The following FHAD1 variants were observed in gnomAD, a reference collection of about 807,000 sequenced individuals.
FHAD1 encodes forkhead-associated domain-containing protein 1.
A neutral mutation model predicts 191.3 loss-of-function variants in FHAD1; 146 were observed. The ratio of observed to expected loss-of-function variants is 0.76; its 90% confidence interval spans 0.67 to 0.88. The LOEUF (loss-of-function observed/expected upper bound fraction) is 0.88. FHAD1 is among the 40% of genes least tolerant of loss of function. The pLI is 0.00. For synonymous variants in FHAD1, 616 were observed against 672.3 expected, an observed-to-expected ratio of 0.92 and a Z score of 1.29; for missense variants, 1,635 against 1,785.8, an observed-to-expected ratio of 0.92 and a Z score of 1.52.
At position 15,276,059 on chromosome 1, in the gene FHAD1, C is replaced by T. The variant is rs1000304989; in HGVS notation, c.300+3530C>T. Reference sequence around the variant, plus strand: ...TGTTTGTAGACATCACAGTGGCTAGCGTGGGTGTCCTGAAGTTCAAGTGAG... The same window carrying T: ...TGTTTGTAGACATCACAGTGGCTAGTGTGGGTGTCCTGAAGTTCAAGTGAG... On this transcript the variant is annotated intron_variant, in intron 3 of 33. Coordinates refer to ENST00000688493, the MANE Select transcript of FHAD1 (RefSeq NM_001391957.1). The surrounding 1 kb of genome is among the most constrained non-coding windows in gnomAD (Gnocchi z 4.7). 4.6e-5 allele frequency among the ~76,000 whole-genome samples: 7 copies of T among 152,156 alleles called. No homozygotes were observed. Among genetic ancestry groups the T allele is most frequent in the African/African-American group, 1.7e-4 (7 of 41,432 alleles).
intron 32 of FHAD1, chr1:15,388,350 T>G: frequency 2.1e-6 from 2 of 965,542 alleles, no homozygotes; most frequent in Non-Finnish European, 2.7e-6. Flanking sequence ...CCCCAGGCCC[T>G]GCCCCACCTG....
intron 8 of FHAD1, chr1:15,315,315 A>C (rs927551773): frequency 2.0e-5 from 3 of 152,056 alleles, no homozygotes; most frequent in African/African-American, 7.2e-5. Context: ...TATATCTGTA[A>C]CAGATATATA....
Position 15,345,440 on chromosome 1 carries a change from G to A in FHAD1, c.2263G>A (p.Glu755Lys), listed in dbSNP as rs1243075014. 6.4e-6 allele frequency: 10 copies of A among 1,552,222 alleles called. No homozygotes were observed. The Admixed American group carries it at 1.2e-4, about 18-fold the overall frequency. Residue 755 changes from glutamate to lysine, a missense_variant, in exon 18 of 34, where the codon GAG becomes AAG. By Grantham distance (56) the Glu-to-Lys change is moderately conservative. Transcript: ENST00000688493. ...KKALAKSITQ[E>K]KNRVKEALEE... ...GGCTTTGGCGAAAAGCATTACCCAG[G>A]AGAAGAACAGAGTGAAGGAAGCATT...
At chr1:15,272,793 A>G (rs1404704702) in intron 3 of FHAD1, among the ~76,000 whole-genome samples, 1 of 152,216 alleles carries the variant, frequency 6.6e-6, no homozygotes, top group Admixed American at 6.5e-5. Context: ...AAAATGTGCA[A>G]CTTCCTGAGA....
intron 14 of FHAD1, among the ~76,000 whole-genome samples, chr1:15,331,713 A>T (rs2101905429): frequency 6.6e-6 from 1 of 151,750 alleles, no homozygotes; most frequent in East Asian, 1.9e-4. Flanking sequence ...GCAGGAAGGA[A>T]GGCAGGAGGG....
At chr1:15,375,461 G>T in intron 27 of FHAD1, 142 bp from the exon 28 acceptor site, 1 of 758,436 alleles carries the variant, frequency 1.3e-6, no homozygotes, top group Non-Finnish European at 2.0e-6. Flanking sequence ...AATCTCTCTA[G>T]GACTGTGTCC....
rs1702607681 is a variant in FHAD1 at position 15,388,037 on chromosome 1, T to A, written c.4189-14T>A. ...GGTTAGCACTCTCTTGCTAACCTGA[T>A]ACTTTTCACTCAGGAAAGTGTAGAG... On this transcript the variant is annotated splice_polypyrimidine_tract_variant and intron_variant, in intron 31 of 33. Coordinates refer to ENST00000688493, the MANE Select transcript of FHAD1 (RefSeq NM_001391957.1). 7.8e-7 allele frequency: 1 copy of A among 1,284,024 alleles called. No individual in the cohort carries two copies. The highest frequency in any genetic ancestry group is 1.0e-6 in the Non-Finnish European group (1 of 983,652). 79.5% of individuals were successfully genotyped at this position (1,284,024 alleles called of 1,614,324 possible).
chr1:15,269,253 T>G (rs1000191855), intron 2 of FHAD1, among the ~76,000 whole-genome samples: 1 of 152,132 alleles, frequency 6.6e-6, no homozygotes, highest in Non-Finnish European at 1.5e-5. Flanking sequence ...GTAGAAACTT[T>G]GATTATTGAT....
chr1:15,370,521 G>C (rs1183503727), intron 26 of FHAD1, among the ~76,000 whole-genome samples: 1 of 152,116 alleles, frequency 6.6e-6, no homozygotes, highest in Non-Finnish European at 1.5e-5. Context: ...TAATGTACTT[G>C]TTCTTCCTGA....
chr1:15,351,156 C>T, intron 19 of FHAD1, among the ~76,000 whole-genome samples: 1 of 152,122 alleles, frequency 6.6e-6, no homozygotes, highest in East Asian at 1.9e-4. Context: ...ACCAGCCTGG[C>T]CAACATGGTG....
chr1:15,360,457 G>A lies in FHAD1; in HGVS notation c.2737-21G>A, dbSNP rs966936895. 1.8e-5 allele frequency: 28 copies of A among 1,547,300 alleles called. No homozygotes were observed. In the African/African-American group the frequency reaches 3.6e-4, roughly 20 times the overall value. The stretch of plus-strand genomic sequence containing the variant: ...CATACACAGCTCCCAAGACCTCACT[G>A]AGTGACTCTCTGTTTCCCAGATCAT... On this transcript the variant is annotated intron_variant, in intron 21 of 33. Coordinates refer to ENST00000688493, the MANE Select transcript of FHAD1 (RefSeq NM_001391957.1).
intron 31 of FHAD1, among the ~76,000 whole-genome samples, chr1:15,385,766 C>A (rs1701966162): frequency 6.6e-6 from 1 of 152,158 alleles, no homozygotes; most frequent in African/African-American, 2.4e-5. Flanking sequence ...CACAGCAAGA[C>A]CTTGTCTCTT....
Position 15,316,237 on chromosome 1 carries a change from T to G in FHAD1, c.1171-141T>G. The G allele has an allele frequency of 1.5e-6, 1 of 651,424 alleles. No homozygotes were observed. The highest frequency in any genetic ancestry group is 2.8e-5 in the Admixed American group (1 of 35,500). The allele number at this position is 651,424 out of a possible 1,614,324, so 40.4% of individuals were successfully genotyped here. On this transcript the variant is annotated intron_variant, in intron 8 of 33. Coordinates refer to ENST00000688493, the MANE Select transcript of FHAD1 (RefSeq NM_001391957.1). This position sits in a 1 kb window ranked among gnomAD's most constrained non-coding sequence, Gnocchi z 4.3. Reference sequence around the variant, plus strand: ...GCCCGTCAGACACCATGGGATGCCTTTTGGGATCTCAGTGCGTGACTGGAT... The same window carrying G: ...GCCCGTCAGACACCATGGGATGCCTGTTGGGATCTCAGTGCGTGACTGGAT...
chr1:15,360,310 G>A (rs1184828083), intron 21 of FHAD1, among the ~76,000 whole-genome samples, 168 bp from the exon 22 acceptor site: 1 of 152,224 alleles, frequency 6.6e-6, no homozygotes, highest in African/African-American at 2.4e-5. Flanking sequence ...AGAAGGAGTT[G>A]GCCATGCAAG....
rs1570485651 is a variant in FHAD1, at chr1:15,380,730, C to T, written c.3735C>T (p.Phe1245=). The change falls in exon 29 of 34, where the codon TTC becomes TTT. Residue 1245 remains phenylalanine (F), a synonymous_variant. Coordinates refer to ENST00000688493, the MANE Select transcript of FHAD1 (RefSeq NM_001391957.1). ...APQNGLCNAR[F]GSAMEKSGKM... ...AGAATGGCCTTTGCAACGCAAGGTT[C>T]GGCTCAGCCATGGAGAAGTCAGGGA... 7 of 1,551,670 alleles carry T rather than the reference C, an allele frequency of 4.5e-6. No individual in the cohort carries two copies. Among genetic ancestry groups the T allele is most frequent in the East Asian group, 2.4e-5 (1 of 40,910 alleles).
At chr1:15,342,886 C>T (rs186759001) in intron 16 of FHAD1, among the ~76,000 whole-genome samples, 1 of 152,096 alleles carries the variant, frequency 6.6e-6, no homozygotes, top group Admixed American at 6.5e-5. Flanking sequence ...GTCTTGAACT[C>T]CTGGGCTCAA....
intron 3 of FHAD1, among the ~76,000 whole-genome samples, chr1:15,282,726 C>G (rs1661050521): frequency 6.6e-6 from 1 of 152,184 alleles, no homozygotes; most frequent in Non-Finnish European, 1.5e-5. Flanking sequence ...AGACATAAAA[C>G]ACTTTTAAAT....
intron 20 of FHAD1, among the ~76,000 whole-genome samples, chr1:15,353,359 C>T (rs976579364): frequency 1.3e-5 from 2 of 152,164 alleles, no homozygotes; most frequent in African/African-American, 4.8e-5. Context: ...ATCTTCATCC[C>T]TCCTTCTCTA....
Position 15,316,343 on chromosome 1 carries a change from G to A in FHAD1, c.1171-35G>A, listed in dbSNP as rs185867066. On this transcript the variant is annotated intron_variant, in intron 8 of 33. Transcript: ENST00000688493. This position sits in a 1 kb window ranked among gnomAD's most constrained non-coding sequence, Gnocchi z 4.3. Reference sequence around the variant, plus strand: ...CCCCCGACAACCCTACCTGGCCAACGTTGGCCTCTTTCTGTGTTGCCCTTT... The same window carrying A: ...CCCCCGACAACCCTACCTGGCCAACATTGGCCTCTTTCTGTGTTGCCCTTT... 1,123 of 1,536,328 alleles carry A rather than the reference G, an allele frequency of 7.3e-4. 4 individuals carry two copies. The African/African-American group carries it at 0.013, about 18-fold the overall frequency.
Sources: allele counts gnomAD v4.1 joint callset (sites outside exome capture counted in the v4.1 genomes callset), GRCh38; gene constraint gnomAD v4.1.1; non-coding constraint Gnocchi (gnomAD v3.1); transcripts MANE v1.5; gene names NCBI Gene and HGNC (gene_info 2026-07-23, HGNC 2026-07-21).